Variants in FAM217A observed in about 807,000 individuals in gnomAD.
FAM217A encodes the protein protein FAM217A.
FAM217A carries 13 observed loss-of-function variants against 18.5 expected under a neutral mutation model. The observed-to-expected ratio is 0.70, with a 90% CI of 0.46 to 1.12. The LOEUF (loss-of-function observed/expected upper bound fraction) is 1.12, where lower values mean the gene tolerates loss of function less well. Ranked by LOEUF, FAM217A falls within the 50% of genes most tolerant of loss-of-function variation. FAM217A has a pLI of 0.00. For missense variants in FAM217A, 560 were observed against 575.4 expected (o/e 0.97, Z 0.27); for synonymous variants, 161 against 202.8 (o/e 0.79, Z 1.75).
upstream of FAM217A, chr6:4,079,473 C>A (rs1770111875): frequency 6.8e-6 from 3 of 438,074 alleles, no homozygotes; most frequent in South Asian, 4.1e-5. Flanking sequence ...CCCCAGGCGT[C>A]CTGGACCTTC....
intron 6 of FAM217A, among the ~76,000 whole-genome samples, chr6:4,070,963 C>G (rs531549198): frequency 1.3e-5 from 2 of 151,808 alleles, no homozygotes; most frequent in Admixed American, 1.3e-4. Flanking sequence ...ACCACTACAC[C>G]CCAGCCTGGG....
At chr6:4,086,976 A>G in intron 1 of FAM217A, 1 of 399,054 alleles carries the variant, frequency 2.5e-6, no homozygotes, top group Non-Finnish European at 4.4e-6. Flanking sequence ...TAGTTTGGAT[A>G]AGAACATAAG....
In FAM217A at chr6:4,069,226, G is replaced by A. The variant is rs1162133150; in HGVS notation, c.997C>T (p.Pro333Ser). 6.2e-7 allele frequency: 1 copy of A among 1,614,076 alleles called. No individual in the cohort carries two copies. The highest frequency in any genetic ancestry group is 2.2e-5 in the East Asian group (1 of 44,870). Residue 333 changes from proline to serine, a missense_variant, in exon 7 of 7, where the codon CCA becomes TCA. Coordinates refer to ENST00000274673, the MANE Select transcript of FAM217A (RefSeq NM_173563.3). ...SSKATPKVRQPKLCDSLSLQI... is the reference protein window; with the variant it reads ...SSKATPKVRQSKLCDSLSLQI... ...AGACTCAAAGAGTCGCAAAGTTTTGGCTGTCTCACTTTTGGTGTAGCTTTG... is the reference window on the plus strand; with the variant it reads ...AGACTCAAAGAGTCGCAAAGTTTTGACTGTCTCACTTTTGGTGTAGCTTTG...
rs745658616 is a variant in FAM217A at position 4,069,202 on chromosome 6, G to A, written c.1021C>T (p.Leu341Phe). 2.5e-6 allele frequency: 4 copies of A among 1,611,656 alleles called. No homozygotes were observed. Among genetic ancestry groups the A allele is most frequent in the South Asian group, 2.2e-5 (2 of 90,914 alleles). ...RQPKLCDSLS[L>F]QIPCVDKSQE... ...CTTTTATCTACACAAGGTATCTGAA[G>A]ACTCAAAGAGTCGCAAAGTTTTGGC... The change falls in exon 7 of 7, where the codon CTT (leucine) becomes TTT (phenylalanine). Residue 341 changes from leucine (L) to phenylalanine (F), a missense_variant. Coordinates refer to ENST00000274673, the MANE Select transcript of FAM217A (RefSeq NM_173563.3).
chr6:4,071,568 C>G (rs973234995), intron 6 of FAM217A, among the ~76,000 whole-genome samples: 1 of 152,180 alleles, frequency 6.6e-6, no homozygotes, highest in African/African-American at 2.4e-5. Context: ...GCCCCAGGTC[C>G]TAACCGCTGC....
intron 1 of FAM217A, among the ~76,000 whole-genome samples, chr6:4,078,206 A>G (rs954538513): frequency 2.6e-5 from 4 of 151,924 alleles, no homozygotes; most frequent in Admixed American, 6.6e-5. Flanking sequence ...GGCGAGCACC[A>G]CTACGCCCAG....
At chr6:4,079,171 G>GA (rs1213271821), upstream of FAM217A, 4 of 325,394 alleles carry the variant, frequency 1.2e-5, no homozygotes, top group Non-Finnish European at 1.7e-5. Flanking sequence ...AGAGAGCGGG[G>GA]GCGCCCGGGG....
At chr6:4,076,467 T>C (rs1420921683) in intron 2 of FAM217A, among the ~76,000 whole-genome samples, 3 of 152,242 alleles carry the variant, frequency 2.0e-5, no homozygotes, top group Non-Finnish European at 4.4e-5. Flanking sequence ...TTTTTTACGA[T>C]GTCTGGTGGA....
chr6:4,070,559 G>A (rs1769334807), intron 6 of FAM217A, among the ~76,000 whole-genome samples: 2 of 152,076 alleles, frequency 1.3e-5, no homozygotes, highest in South Asian at 4.1e-4. Context: ...AGAATACTGA[G>A]TTTCTAGTTA....
intron 4 of FAM217A, among the ~76,000 whole-genome samples, chr6:4,073,865 G>A (rs952738517): frequency 6.6e-6 from 1 of 152,150 alleles, no homozygotes; most frequent in South Asian, 2.1e-4. Flanking sequence ...TGTTGTTGTT[G>A]AGACAGGGTC....
chr6:4,074,682 G>A lies in FAM217A; in HGVS notation c.61-21C>T, dbSNP rs753925083. The A allele has an allele frequency of 7.8e-6, 12 of 1,536,684 alleles. No homozygotes were observed. The African/African-American group carries it at 1.1e-4, about 14-fold the overall frequency. On this transcript the variant is annotated intron_variant, in intron 2 of 6. Transcript: ENST00000274673. ...AAGTTCTAAAACAATATTTGTTTTA[G>A]GATAAACTTAACATTAAGAAAACAT...
intron 1 of FAM217A, among the ~76,000 whole-genome samples, chr6:4,086,185 A>G (rs1019545897): frequency 1.3e-5 from 2 of 151,430 alleles, no homozygotes; most frequent in African/African-American, 4.9e-5. Flanking sequence ...GGTGGCTCAC[A>G]CCTGTAAACC....
At chr6:4,083,656 C>T (rs1474244030), upstream of FAM217A, among the ~76,000 whole-genome samples, 1 of 151,162 alleles carries the variant, frequency 6.6e-6, no homozygotes, top group Non-Finnish European at 1.5e-5. Context: ...GGTTCAAGTA[C>T]TTCTCCTGTC....
chr6:4,083,558 T>TG (rs1770444694), upstream of FAM217A, among the ~76,000 whole-genome samples: 1 of 145,634 alleles, frequency 6.9e-6, no homozygotes, highest in African/African-American at 2.5e-5. Flanking sequence ...TTTTCTTTTC[T>TG]TTTTTTTTTT....
chr6:4,083,047 T>C (rs1770405318), upstream of FAM217A, among the ~76,000 whole-genome samples: 1 of 152,216 alleles, frequency 6.6e-6, no homozygotes. Context: ...TCAGCTTGCC[T>C]TACTTTAAAT....
rs554446368 is a variant in FAM217A, at chr6:4,071,566, T to C, written c.303-1646A>G. Among the ~76,000 whole-genome samples the C allele has an allele frequency of 1.5e-4, 23 of 152,264 alleles. No homozygotes were observed. In the South Asian group the frequency reaches 4.8e-3, roughly 32 times the overall value. Reference sequence around the variant, plus strand: ...ACGTGGTGGACTCCTATGCCCCAGGTCCTAACCGCTGCATTCTACCGCCTC... The same window carrying C: ...ACGTGGTGGACTCCTATGCCCCAGGCCCTAACCGCTGCATTCTACCGCCTC... On this transcript the variant is annotated intron_variant, in intron 6 of 6. Transcript: ENST00000274673.
At chr6:4,085,311 AAT>A (rs10636236) in intron 1 of FAM217A, among the ~76,000 whole-genome samples, 12,601 of 146,396 alleles carry the variant, frequency 0.086, 669 homozygotes, top group Middle Eastern at 0.21. Flanking sequence ...TGTAAAAAAA[AAT>A]ATATATATAT....
intron 1 of FAM217A, among the ~76,000 whole-genome samples, chr6:4,086,792 A>G (rs1770695227): frequency 6.6e-6 from 1 of 152,182 alleles, no homozygotes. Context: ...TTTTGTTCCA[A>G]ATCTGATACT....
At chr6:4,075,017 A>G (rs113320299) in intron 2 of FAM217A, among the ~76,000 whole-genome samples, 5 of 152,186 alleles carry the variant, frequency 3.3e-5, no homozygotes, top group South Asian at 2.1e-4. Context: ...CAAACTTTCT[A>G]TATCTGAGTA....
Sources: allele counts gnomAD v4.1 joint callset (sites outside exome capture counted in the v4.1 genomes callset), GRCh38; gene constraint gnomAD v4.1.1; transcripts MANE v1.5; gene names NCBI Gene and HGNC (gene_info 2026-07-23, HGNC 2026-07-21).